Variants in RAPGEF2 observed in about 807,000 individuals in gnomAD.
RAPGEF2 encodes Rap guanine nucleotide exchange factor 2, also known as PDZ domain containing guanine nucleotide exchange factor (GEF) 1.
RAPGEF2 carries 54 observed loss-of-function variants against 186.7 expected under a neutral mutation model. The observed-to-expected ratio is 0.29, with a 90% CI of 0.23 to 0.36. RAPGEF2 has a LOEUF of 0.36. RAPGEF2 is among the 10% of genes least tolerant of loss of function. The pLI, the probability that RAPGEF2 is intolerant of heterozygous loss-of-function variation, is 1.00. For synonymous variants in RAPGEF2, 712 were observed against 705.9 expected (o/e 1.01, Z -0.14); for missense variants, 1,532 against 2,045.0 (o/e 0.75, Z 4.84).
intron 7 of RAPGEF2, among the ~76,000 whole-genome samples, chr4:159,292,247 T>A (rs1761337684): frequency 6.6e-6 from 1 of 152,134 alleles, no homozygotes; most frequent in Non-Finnish European, 1.5e-5. Flanking sequence ...CCTCTCCTTG[T>A]CAGAGCTTGT....
At position 159,356,049 on chromosome 4, in the gene RAPGEF2, G is replaced by A; in HGVS notation, c.4848G>A (p.Gly1616=). The part of the protein sequence containing the change: ...AGPSSVQQPH[G]HPTSSRPVNK... ...CTTCATCCGTACAGCAGCCACATGGGCATCCCACCAGCAGCAGGCCTGTGA... is the reference window on the plus strand; with the variant it reads ...CTTCATCCGTACAGCAGCCACATGGACATCCCACCAGCAGCAGGCCTGTGA... The change falls in exon 29 of 30, where the codon GGG becomes GGA. Residue 1616 remains glycine (G), a synonymous_variant. Coordinates refer to ENST00000691494, the MANE Select transcript of RAPGEF2 (RefSeq NM_001394067.2). The A allele has an allele frequency of 6.2e-7, 1 of 1,614,076 alleles. No homozygotes were observed. The highest frequency in any genetic ancestry group is 1.7e-5 in the Admixed American group (1 of 60,010).
chr4:159,252,763 G>C (rs1283168519), intron 7 of RAPGEF2, among the ~76,000 whole-genome samples: 1 of 152,186 alleles, frequency 6.6e-6, no homozygotes, highest in Non-Finnish European at 1.5e-5. Context: ...TTGTTTTCTA[G>C]TTGCAGCAGT....
intron 3 of RAPGEF2, among the ~76,000 whole-genome samples, chr4:159,197,608 G>T (rs4691546): frequency 6.6e-6 from 1 of 152,216 alleles, no homozygotes; most frequent in African/African-American, 2.4e-5. Flanking sequence ...ATTGAGGCCT[G>T]TTGGGTCTTT....
chr4:159,350,255 T>C lies in RAPGEF2; in HGVS notation c.3831T>C (p.Ser1277=), dbSNP rs371737130. ...TISNASSQLS[S]PPTSPQSSPR... Reference sequence around the variant, plus strand: ...CAAATGCATCTTCGCAGCTTTCTTCTCCTCCTACTTCTCCACAGAGTTCTC... The same window carrying C: ...CAAATGCATCTTCGCAGCTTTCTTCCCCTCCTACTTCTCCACAGAGTTCTC... Residue 1277 remains serine, a synonymous_variant, in exon 26 of 30, where the codon TCT becomes TCC. Transcript: ENST00000691494. The C allele has an allele frequency of 1.3e-6, 2 of 1,595,182 alleles. No individual in the cohort carries two copies. The highest frequency in any genetic ancestry group is 2.7e-5 in the African/African-American group (2 of 74,062).
intron 7 of RAPGEF2, among the ~76,000 whole-genome samples, chr4:159,262,615 A>G (rs1054779253): frequency 6.6e-6 from 1 of 152,224 alleles, no homozygotes; most frequent in African/African-American, 2.4e-5. Flanking sequence ...TAAAAGCCCC[A>G]CATGGGAATT....
rs1260791534 is a variant in RAPGEF2, at chr4:159,314,600, A to G, written c.685A>G (p.Ser229Gly). The change falls in exon 9 of 30, where the codon AGC (serine) becomes GGC (glycine). Residue 229 changes from serine to glycine, a missense_variant. Physicochemically the swap from Ser to Gly is moderately conservative, Grantham distance 56. This residue lies in a region of RAPGEF2 where 810 missense variants were observed against 1,210.5 expected (regional missense o/e 0.67). Transcript: ENST00000691494. ...SLSDIYQATE[S>G]EAGDMDLSGL... ...GTGTGTGTGTCTTAAGGCCACAGAA[A>G]GCGAGGCTGGTGATATGGACCTGAG... 1.2e-6 allele frequency: 2 copies of G among 1,609,146 alleles called. No homozygotes were observed. The highest frequency in any genetic ancestry group is 1.7e-6 in the Non-Finnish European group (2 of 1,178,808).
chr4:159,198,509 G>A lies in RAPGEF2; in HGVS notation c.197+5253G>A, dbSNP rs537162011. On this transcript the variant is annotated intron_variant, in intron 3 of 29. Coordinates refer to ENST00000691494, the MANE Select transcript of RAPGEF2 (RefSeq NM_001394067.2). ...TACCCAGGCTGGAGTGCAGTGGCAC[G>A]ATCTGAGCTCACTGCAACCTCCACC... Among the ~76,000 whole-genome samples the A allele has an allele frequency of 2.0e-3, 298 of 151,266 alleles. 1 individual carries two copies. The highest frequency in any genetic ancestry group is 2.2e-3 in the Non-Finnish European group (148 of 67,828).
chr4:159,317,977 T>C (rs1013715909), intron 9 of RAPGEF2, among the ~76,000 whole-genome samples: 15 of 152,086 alleles, frequency 9.9e-5, no homozygotes, highest in Non-Finnish European at 1.9e-4. Context: ...TTTCAGTTGA[T>C]AGCTGAGAAA....
Position 159,251,701 on chromosome 4 carries a change from G to C in RAPGEF2, c.543+7910G>C, listed in dbSNP as rs1188738223. Among the ~76,000 whole-genome samples the C allele has an allele frequency of 3.3e-5, 5 of 152,116 alleles. No homozygotes were observed. In the East Asian group the frequency reaches 9.6e-4, roughly 29 times the overall value. On this transcript the variant is annotated intron_variant, in intron 7 of 29. Coordinates refer to ENST00000691494, the MANE Select transcript of RAPGEF2 (RefSeq NM_001394067.2). ...TGCACCAATCAGCACTCTGTGTCTA[G>C]CTCAGGGATTATAAATGCACCAATC...
At chr4:159,142,916 T>TCTTTA (rs1742505811) in intron 1 of RAPGEF2, among the ~76,000 whole-genome samples, 1 of 152,224 alleles carries the variant, frequency 6.6e-6, no homozygotes, top group Admixed American at 6.5e-5. Flanking sequence ...AGTGGGGTAA[T>TCTTTA]CCAGGGACTC....
chr4:159,236,644 A>T (rs902365313), intron 4 of RAPGEF2, among the ~76,000 whole-genome samples: 21 of 63,260 alleles, frequency 3.3e-4, no homozygotes, highest in Middle Eastern at 5.6e-3. Context: ...AACTTGTCCA[A>T]GTCTGTAACC....
chr4:159,187,967 A>G (rs1488184849), intron 2 of RAPGEF2, among the ~76,000 whole-genome samples: 1 of 152,218 alleles, frequency 6.6e-6, no homozygotes. Flanking sequence ...CTAAAATTAA[A>G]TTTTTAATGA....
intron 25 of RAPGEF2, 23 bp downstream of exon 25, chr4:159,347,021 T>C (rs368363520): frequency 6.3e-7 from 1 of 1,591,364 alleles, no homozygotes; most frequent in Admixed American, 1.7e-5. Context: ...ATTCATTTCT[T>C]TTTTTGGTGC....
chr4:159,338,167 G>T, intron 17 of RAPGEF2, 144 bp from the exon 18 acceptor site: 1 of 662,766 alleles, frequency 1.5e-6, no homozygotes, highest in Non-Finnish European at 2.4e-6. Context: ...TGCTTTTGCA[G>T]TTTTCAACCA....
chr4:159,299,865 CTGTT>C (rs1762441642), intron 7 of RAPGEF2, among the ~76,000 whole-genome samples: 6 of 151,616 alleles, frequency 4.0e-5, no homozygotes, highest in Non-Finnish European at 8.8e-5. Flanking sequence ...ATGGTAGCAT[CTGTT>C]TGTCCTACAT....
intron 25 of RAPGEF2, among the ~76,000 whole-genome samples, chr4:159,347,713 G>C (rs775461779): frequency 2.6e-5 from 4 of 152,336 alleles, no homozygotes; most frequent in Non-Finnish European, 5.9e-5. Flanking sequence ...GAACCCGGGA[G>C]GGGGAGCTTG....
At chr4:159,151,930 T>C (rs1040828360) in intron 1 of RAPGEF2, among the ~76,000 whole-genome samples, 2 of 152,160 alleles carry the variant, frequency 1.3e-5, no homozygotes, top group African/African-American at 4.8e-5. Context: ...AGATGCTTGA[T>C]TGGCAGTGGG....
chr4:159,140,103 A>G (rs915057028), intron 1 of RAPGEF2, among the ~76,000 whole-genome samples: 3 of 152,252 alleles, frequency 2.0e-5, no homozygotes, highest in Non-Finnish European at 4.4e-5. Context: ...ATGTTGCAGA[A>G]TAAAGTTTTG....
intron 7 of RAPGEF2, among the ~76,000 whole-genome samples, chr4:159,290,189 C>T (rs540656340): frequency 2.6e-5 from 4 of 152,326 alleles, no homozygotes; most frequent in South Asian, 2.1e-4. Flanking sequence ...TAAATCCCCT[C>T]TCAGAGTGCT....
Sources: allele counts gnomAD v4.1 joint callset (sites outside exome capture counted in the v4.1 genomes callset), GRCh38; gene constraint gnomAD v4.1.1; regional missense constraint gnomAD v4.1.1; transcripts MANE v1.5; gene names NCBI Gene and HGNC (gene_info 2026-07-23, HGNC 2026-07-21).